Variants in TCF20 observed in about 807,000 individuals in gnomAD.
TCF20 encodes the protein transcription factor 20.
Under a neutral mutation model 148.6 loss-of-function variants are expected in TCF20, and 3 were observed. The observed-to-expected ratio is 0.02, with a 90% CI of 0.01 to 0.05. The LOEUF (loss-of-function observed/expected upper bound fraction) is 0.05. TCF20 is among the 10% of genes least tolerant of loss of function. The probability of loss-of-function intolerance (pLI) is 1.00; values close to 1 mark genes in which losing one functional copy is unlikely to be tolerated. For synonymous variants in TCF20, 1,049 were observed against 909.5 expected (o/e 1.15, Z -2.76); for missense variants, 2,350 against 2,429.3 (o/e 0.97, Z 0.69).
chr22:42,241,019 C>T (rs1158489836), intron 1 of TCF20, among the ~76,000 whole-genome samples: 1 of 152,114 alleles, frequency 6.6e-6, no homozygotes, highest in Non-Finnish European at 1.5e-5. Context: ...TCACGCCCGG[C>T]TAATTTCTGT....
Position 42,338,844 on chromosome 22 carries a change from T to G in TCF20, c.-37+4635A>C, listed in dbSNP as rs1267706986. 1.3e-5 allele frequency among the ~76,000 whole-genome samples: 2 copies of G among 152,184 alleles called. No individual in the cohort carries two copies. Among genetic ancestry groups the G allele is most frequent in the African/African-American group, 4.8e-5 (2 of 41,440 alleles). Reference sequence around the variant, plus strand: ...TAAATTGGGCTGGAGTCCCTTCAGATGCATTATAAATATAAAGGCTAAAAT... The same window carrying G: ...TAAATTGGGCTGGAGTCCCTTCAGAGGCATTATAAATATAAAGGCTAAAAT... On this transcript the variant is annotated intron_variant, in intron 1 of 1. Transcript: ENST00000515426. This position sits in a 1 kb window ranked among gnomAD's most constrained non-coding sequence, Gnocchi z 4.0.
Position 42,215,020 on chromosome 22 carries a change from T to C in TCF20, c.286A>G (p.Lys96Glu). ...AGDFYYMAGN[K>E]DPVTTGTPQP... ...GGGGTTCCTGTAGTCACGGGGTCTTTGTTGCCTGCCATGTAGTAAAAATCT... is the reference window on the plus strand; with the variant it reads ...GGGGTTCCTGTAGTCACGGGGTCTTCGTTGCCTGCCATGTAGTAAAAATCT... The change falls in exon 2 of 6, where the codon AAA becomes GAA. Residue 96 changes from lysine (K) to glutamate (E), a missense_variant. Lys to Glu is a moderately conservative substitution (Grantham distance 56). Coordinates refer to ENST00000677622, the MANE Select transcript of TCF20 (RefSeq NM_001378418.1). 6.2e-7 allele frequency: 1 copy of C among 1,614,210 alleles called. No individual in the cohort carries two copies. Among genetic ancestry groups the C allele is most frequent in the Non-Finnish European group, 8.5e-7 (1 of 1,180,036 alleles).
In TCF20 at chr22:42,168,643, A is replaced by G. The variant is rs1218235474; in HGVS notation, c.*10T>C. The G allele has an allele frequency of 6.3e-7, 1 of 1,597,284 alleles. No individual in the cohort carries two copies. Among genetic ancestry groups the G allele is most frequent in the Non-Finnish European group, 8.5e-7 (1 of 1,171,792 alleles). On this transcript the variant is annotated 3_prime_UTR_variant, in exon 5 of 6. Transcript: ENST00000677622. ...CTGTCCTTTCCATTCCCACGAGCAC[A>G]CTGCCCCCCTCACCCCCGCTCCGAC... is the stretch of plus-strand genomic sequence containing the variant.
At chr22:42,185,576 T>C (rs1937005555) in intron 2 of TCF20, among the ~76,000 whole-genome samples, 1 of 152,160 alleles carries the variant, frequency 6.6e-6, no homozygotes, top group Non-Finnish European at 1.5e-5. Flanking sequence ...TGGAAGCCGC[T>C]GTCCTCCCAG....
At chr22:42,186,097 A>G (rs1176224944) in intron 2 of TCF20, among the ~76,000 whole-genome samples, 5 of 152,262 alleles carry the variant, frequency 3.3e-5, no homozygotes, top group African/African-American at 4.8e-5. Context: ...TGATGTCAGT[A>G]TGAAACATCA....
chr22:42,318,373 G>T (rs1927671662), intron 1 of TCF20, among the ~76,000 whole-genome samples: 1 of 152,148 alleles, frequency 6.6e-6, no homozygotes, highest in Admixed American at 6.5e-5. Context: ...GGAACAATTG[G>T]CTAAAATATA....
intron 1 of TCF20, among the ~76,000 whole-genome samples, chr22:42,301,092 A>C (rs1256246945): frequency 1.3e-5 from 2 of 151,928 alleles, no homozygotes. Flanking sequence ...TGCACTTACC[A>C]GGGTGGAGGT....
chr22:42,286,512 T>C (rs1184998275), upstream of TCF20, among the ~76,000 whole-genome samples: 1 of 152,146 alleles, frequency 6.6e-6, no homozygotes, highest in Non-Finnish European at 1.5e-5. Context: ...TGCTATAAGA[T>C]TACATGAGAT....
intron 1 of TCF20, among the ~76,000 whole-genome samples, chr22:42,227,905 T>C (rs553120055): frequency 6.6e-6 from 1 of 152,198 alleles, no homozygotes; most frequent in Non-Finnish European, 1.5e-5. Flanking sequence ...GTCAAGCTTA[T>C]TAGAGATGTA....
intron 1 of TCF20, among the ~76,000 whole-genome samples, chr22:42,318,581 C>T (rs960281744): frequency 5.3e-5 from 8 of 152,092 alleles, no homozygotes; most frequent in African/African-American, 1.9e-4. Context: ...CCGGGCCAGG[C>T]AGGAGTCAGG....
chr22:42,187,243 T>C (rs111693181), intron 2 of TCF20, among the ~76,000 whole-genome samples: 12 of 152,164 alleles, frequency 7.9e-5, no homozygotes, highest in Non-Finnish European at 1.5e-4. Flanking sequence ...TGGGACCCAG[T>C]CATCTGCTTC....
At chr22:42,173,612 A>T (rs1457627447) in intron 3 of TCF20, among the ~76,000 whole-genome samples, 1 of 152,232 alleles carries the variant, frequency 6.6e-6, no homozygotes, top group African/African-American at 2.4e-5. Flanking sequence ...GTCCATCAAT[A>T]AACTTGTTTC....
chr22:42,270,261 G>C (rs532026895), intron 1 of TCF20, among the ~76,000 whole-genome samples, 78 bp downstream of exon 1: 169 of 151,196 alleles, frequency 1.1e-3, no homozygotes, highest in African/African-American at 4.0e-3. Context: ...CCCAGCCCCC[G>C]AGGCCGGACA....
At chr22:42,189,656 A>C (rs971238760) in intron 2 of TCF20, among the ~76,000 whole-genome samples, 2 of 152,228 alleles carry the variant, frequency 1.3e-5, no homozygotes, top group Admixed American at 1.3e-4. Context: ...TATCAAAGTG[A>C]TCCCAGGACA....
chr22:42,282,407 G>A (rs931735484), intron 1 of TCF20, among the ~76,000 whole-genome samples: 2 of 152,216 alleles, frequency 1.3e-5, no homozygotes, highest in African/African-American at 4.8e-5. Context: ...AAGCTCCCTT[G>A]CCCTCATGGG....
intron 1 of TCF20, among the ~76,000 whole-genome samples, chr22:42,229,673 C>A (rs147194692): frequency 3.9e-5 from 6 of 152,184 alleles, no homozygotes; most frequent in South Asian, 2.1e-4. Flanking sequence ...ACAGACCATG[C>A]GCTCCGACCT....
chr22:42,319,740 G>A (rs1927698477), intron 1 of TCF20, among the ~76,000 whole-genome samples: 2 of 152,160 alleles, frequency 1.3e-5, no homozygotes, highest in Non-Finnish European at 2.9e-5. Flanking sequence ...CTGACTCTGA[G>A]CCCTTCTTCA....
chr22:42,329,542 G>A (rs548936550), intron 1 of TCF20, among the ~76,000 whole-genome samples: 31 of 152,372 alleles, frequency 2.0e-4, no homozygotes, highest in African/African-American at 6.5e-4. Flanking sequence ...GCTTTGTGCA[G>A]TGGTAACAGG....
chr22:42,212,853 C>A lies in TCF20; in HGVS notation c.2453G>T (p.Gly818Val). ...IGSLLENPHW[G>V]PWERKSSSTA... The stretch of plus-strand genomic sequence containing the variant: ...GCTGCTTGATTTCCTTTCCCAGGGG[C>A]CCCAGTGGGGATTTTCTAATAGAGA... Residue 818 changes from glycine to valine, a missense_variant, in exon 2 of 6, where the codon GGC (glycine) becomes GTC (valine). Coordinates refer to ENST00000677622, the MANE Select transcript of TCF20 (RefSeq NM_001378418.1). 6.2e-7 allele frequency: 1 copy of A among 1,614,172 alleles called. No homozygotes were observed. Among genetic ancestry groups the A allele is most frequent in the South Asian group, 1.1e-5 (1 of 91,088 alleles).
Sources: allele counts gnomAD v4.1 joint callset (sites outside exome capture counted in the v4.1 genomes callset), GRCh38; gene constraint gnomAD v4.1.1; non-coding constraint Gnocchi (gnomAD v3.1); transcripts MANE v1.5; gene names NCBI Gene and HGNC (gene_info 2026-07-23, HGNC 2026-07-21).